The following CAPG variants were observed in gnomAD, a reference collection of about 807,000 sequenced individuals.
The protein encoded by CAPG is capping actin protein, gelsolin like, also known as macrophage-capping protein.
A neutral mutation model predicts 44.6 loss-of-function variants in CAPG; 32 were observed. The observed-to-expected ratio is 0.72, with a 90% CI of 0.54 to 0.96. The LOEUF is 0.96. CAPG is among the 50% of genes least tolerant of loss of function. CAPG has a pLI of 0.00. For synonymous variants in CAPG, 175 were observed against 179.6 expected (o/e 0.97, Z 0.20); for missense variants, 412 against 438.3 (o/e 0.94, Z 0.54).
chr2:85,402,711 C>T (rs1039565533), intron 1 of CAPG, among the ~76,000 whole-genome samples: 1 of 151,438 alleles, frequency 6.6e-6, no homozygotes, highest in Admixed American at 6.6e-5. Context: ...AGTGATTTGC[C>T]CATCTCAGCC....
At position 85,401,202 on chromosome 2, in the gene CAPG, A is replaced by T; in HGVS notation, c.479T>A (p.Phe160Tyr). Residue 160 changes from phenylalanine (F) to tyrosine (Y), a missense_variant, in exon 5 of 10, where the codon TTC (phenylalanine) becomes TAC (tyrosine). Physicochemically the swap from Phe to Tyr is conservative, Grantham distance 22. Transcript: ENST00000263867. ...CAGGATGAAGCAGTCCCCAGTGTTG[A>T]AGCTGTCCCAGTTCAGTGCCCGCTC... ...ATERALNWDS[F>Y]NTGDCFILDL... The T allele has an allele frequency of 6.2e-7, 1 of 1,614,142 alleles. No individual in the cohort carries two copies. Among genetic ancestry groups the T allele is most frequent in the Non-Finnish European group, 8.5e-7 (1 of 1,180,022 alleles).
At chr2:85,406,566 A>C (rs2104833877) in intron 1 of CAPG, among the ~76,000 whole-genome samples, 1 of 152,128 alleles carries the variant, frequency 6.6e-6, no homozygotes, top group Admixed American at 6.5e-5. Flanking sequence ...TTCAGCAAGA[A>C]TCCTGTTAGG....
rs1450768921 is a variant in CAPG at position 85,395,443 on chromosome 2, C to T, written c.981+95G>A. On this transcript the variant is annotated intron_variant, in intron 9 of 9. Transcript: ENST00000263867. This position sits in a 1 kb window ranked among gnomAD's most constrained non-coding sequence, Gnocchi z 4.3. ...GGAGGCCTGGTTGTTCCTGACAGTG[C>T]CCAAGGCTCTCCTGCCCTTCCTGGC... The T allele has an allele frequency of 2.2e-5, 21 of 956,702 alleles. No individual in the cohort carries two copies. Among genetic ancestry groups the T allele is most frequent in the Non-Finnish European group, 3.1e-5 (19 of 609,488 alleles). 59.3% of individuals were successfully genotyped at this position (956,702 alleles called of 1,614,324 possible). A position where few individuals can be genotyped will look rare whatever the true frequency, so the allele number is the denominator to read the frequency against.
upstream of CAPG, chr2:85,414,120 G>C (rs1687498030): frequency 6.6e-6 from 1 of 152,326 alleles, no homozygotes; most frequent in Non-Finnish European, 1.5e-5. Flanking sequence ...AGCCCCTATG[G>C]GAGGCTGGGG....
chr2:85,419,390 C>G (rs1687664176), upstream of CAPG: 2 of 152,418 alleles, frequency 1.3e-5, no homozygotes, highest in South Asian at 2.1e-4. Flanking sequence ...TTCTGAGGCG[C>G]TACAGAAGGG....
chr2:85,405,986 G>A (rs1056315341), intron 1 of CAPG, among the ~76,000 whole-genome samples: 2 of 152,178 alleles, frequency 1.3e-5, no homozygotes, highest in African/African-American at 4.8e-5. Context: ...ATGCCAGAGA[G>A]CCACATCAGG....
At chr2:85,414,721 C>T (rs925549752), upstream of CAPG, among the ~76,000 whole-genome samples, 1 of 152,102 alleles carries the variant, frequency 6.6e-6, no homozygotes, top group Non-Finnish European at 1.5e-5. Context: ...CATGAGCCAC[C>T]GCACCCAACT....
chr2:85,405,320 C>CT (rs1039329204), intron 1 of CAPG, among the ~76,000 whole-genome samples: 1 of 152,130 alleles, frequency 6.6e-6, no homozygotes, highest in African/African-American at 2.4e-5. Context: ...TAGAGGATTT[C>CT]TTTTTTTGGC....
At chr2:85,400,296 C>T (rs1686818695) in intron 5 of CAPG, among the ~76,000 whole-genome samples, 2 of 152,206 alleles carry the variant, frequency 1.3e-5, no homozygotes, top group African/African-American at 4.8e-5. Context: ...TTCTACCCAC[C>T]GCCCTGCCAG....
chr2:85,406,430 T>C (rs1299357107), intron 1 of CAPG, among the ~76,000 whole-genome samples: 2 of 152,162 alleles, frequency 1.3e-5, no homozygotes, highest in Non-Finnish European at 2.9e-5. Flanking sequence ...AGAACCCTGC[T>C]AAGGCCATTT....
At chr2:85,393,896 C>T (rs1414397614), downstream of CAPG, among the ~76,000 whole-genome samples, 2 of 152,184 alleles carry the variant, frequency 1.3e-5, no homozygotes, top group African/African-American at 4.8e-5. Context: ...TGGCACAAAT[C>T]AGCAAGTTCA....
Position 85,401,119 on chromosome 2 carries a change from A to C in CAPG, c.516+46T>G, listed in dbSNP as rs1223791320. 2.5e-6 allele frequency: 4 copies of C among 1,575,984 alleles called. No individual in the cohort carries two copies. The African/African-American group carries it at 5.4e-5, about 21-fold the overall frequency. The stretch of plus-strand genomic sequence containing the variant: ...GGCCTCCTGCCCCTCCGTCCTTATA[A>C]AGGATGGTGCCAATACGGAGTGCTC... On this transcript the variant is annotated intron_variant, in intron 5 of 9. Coordinates refer to ENST00000263867, the MANE Select transcript of CAPG (RefSeq NM_001747.4).
upstream of CAPG, chr2:85,419,263 C>A: frequency 6.6e-6 from 1 of 152,424 alleles, no homozygotes; most frequent in South Asian, 2.1e-4. Flanking sequence ...AGGAGGCTGC[C>A]AGGAGGTAAT....
At chr2:85,396,362 G>T (rs77928258) in intron 8 of CAPG, among the ~76,000 whole-genome samples, 8,581 of 148,460 alleles carry the variant, frequency 0.058, 268 homozygotes, top group East Asian at 0.091. Flanking sequence ...ATTTTGGGGG[G>T]TTTTTTTTTT....
At chr2:85,414,429 GAT>G (rs1491408840), upstream of CAPG, among the ~76,000 whole-genome samples, 12 of 72,874 alleles carry the variant, frequency 1.6e-4, no homozygotes, top group African/African-American at 7.8e-4. Context: ...GCAGAACTAA[GAT>G]TTTTTTTTTT....
upstream of CAPG, among the ~76,000 whole-genome samples, chr2:85,414,679 G>A (rs992131809): frequency 6.6e-6 from 1 of 151,574 alleles, no homozygotes; most frequent in African/African-American, 2.4e-5. Context: ...TGATCCTCCT[G>A]CTTTGGCCTC....
At chr2:85,402,577 C>T (rs766633055) in intron 1 of CAPG, among the ~76,000 whole-genome samples, 10 of 151,946 alleles carry the variant, frequency 6.6e-5, no homozygotes, top group Non-Finnish European at 1.3e-4. Flanking sequence ...AGTAATCCTC[C>T]GGTCTCAGCC....
intron 1 of CAPG, among the ~76,000 whole-genome samples, chr2:85,408,237 G>C (rs1353636726): frequency 1.3e-5 from 2 of 152,032 alleles, no homozygotes; most frequent in African/African-American, 4.8e-5. Context: ...AGCTACTTAG[G>C]AGGCTGAGGC....
intron 1 of CAPG, among the ~76,000 whole-genome samples, chr2:85,402,472 G>A (rs1686950861): frequency 6.6e-6 from 1 of 151,940 alleles, no homozygotes; most frequent in Non-Finnish European, 1.5e-5. Flanking sequence ...GAAGAGCAAT[G>A]AATTTTTTTT....
Sources: gnomAD v4.1 joint callset for allele counts (sites outside exome capture counted in the v4.1 genomes callset) on GRCh38, gnomAD v4.1.1 for gene constraint, Gnocchi (gnomAD v3.1) non-coding constraint, MANE v1.5 for transcripts, NCBI Gene and HGNC (gene_info 2026-07-23, HGNC 2026-07-21) for gene names.